ZPR1: variants seen among roughly 807,000 people sequenced by gnomAD.
The protein encoded by ZPR1 is ZPR1 zinc finger, also known as zinc finger protein ZPR1.
ZPR1 carries 37 observed loss-of-function variants against 59.6 expected under a neutral mutation model. The ratio of observed to expected loss-of-function variants is 0.62; its 90% CI spans 0.48 to 0.82. The LOEUF is 0.82. Among genes scored for constraint, ZPR1 ranks in the 40% least tolerant of loss-of-function variants. ZPR1 has a pLI of 0.00. For synonymous variants in ZPR1, 191 were observed against 215.2 expected (o/e 0.89, Z 0.99); for missense variants, 527 against 579.9 (o/e 0.91, Z 0.94).
chr11:116,785,586 A>G lies in ZPR1; in HGVS notation c.633T>C (p.Pro211=), dbSNP rs757652160. ...GNSFVENPHA[P]QKDDALVITH... is the part of the protein sequence containing the mutation. ...TGATCACCAGGGCATCATCTTTCTG[A>G]GGAGCATGTGGGTTTTCCACAAAAC... The change falls in exon 6 of 14, where the codon CCT becomes CCC. Residue 211 remains proline, a synonymous_variant. Transcript: ENST00000227322. The G allele has an allele frequency of 1.4e-5, 23 of 1,614,040 alleles. No individual in the cohort carries two copies. Among genetic ancestry groups the G allele is most frequent in the Non-Finnish European group, 1.9e-5 (23 of 1,180,042 alleles).
At position 116,773,983 on chromosome 11, in the gene ZPR1, G is replaced by T. The variant is rs1940687121; in HGVS notation, c.*4942C>A. The T allele has an allele frequency of 6.6e-6, 1 of 152,182 alleles. No individual in the cohort carries two copies. The highest frequency in any genetic ancestry group is 1.5e-5 in the Non-Finnish European group (1 of 68,034). The allele number at this position is 152,182 out of a possible 1,614,324, so 9.4% of individuals were successfully genotyped here. ...AGTCAGAACATGACTCTAGGGAGTA[G>T]AGGCTAGCGAAGTGGGGTGCAAGAG... is the stretch of plus-strand genomic sequence containing the variant. On this transcript the variant is annotated 3_prime_UTR_variant, in exon 14 of 14. Coordinates refer to ENST00000227322, the MANE Select transcript of ZPR1 (RefSeq NM_003904.5).
intron 8 of ZPR1, 55 bp from the exon 9 acceptor site, chr11:116,784,503 G>T: frequency 3.9e-6 from 6 of 1,550,058 alleles, no homozygotes; most frequent in Non-Finnish European, 5.3e-6. Flanking sequence ...CACCATCTGG[G>T]GAAAAACAAA....
intron 12 of ZPR1, 26 bp downstream of exon 12, chr11:116,782,132 G>A (rs367934346): frequency 5.0e-6 from 8 of 1,593,648 alleles, no homozygotes; most frequent in Non-Finnish European, 6.9e-6. Flanking sequence ...AGGATTCTAA[G>A]TACTGACTGG....
chr11:116,782,824 C>A, intron 11 of ZPR1, 95 bp downstream of exon 11: 1 of 964,328 alleles, frequency 1.0e-6, no homozygotes, highest in South Asian at 1.4e-5. Flanking sequence ...CCCACAGTTA[C>A]CAGCACCGAA....
chr11:116,783,723 T>A, intron 9 of ZPR1, 104 bp from the exon 10 acceptor site: 1 of 828,398 alleles, frequency 1.2e-6, no homozygotes, highest in Non-Finnish European at 2.0e-6. Context: ...TTAGGGCCAT[T>A]AATAGCTACC....
chr11:116,783,860 TAAAAAAA>T lies in ZPR1; in HGVS notation c.892-248_892-242del, dbSNP rs11355367. Among the ~76,000 whole-genome samples, 3 of 126,446 alleles carry T rather than the reference TAAAAAAA, an allele frequency of 2.4e-5. No individual in the cohort carries two copies. In the East Asian group the frequency reaches 6.6e-4, roughly 28 times the overall value. 83.0% of individuals were successfully genotyped at this position (126,446 alleles called of 152,430 possible). A position where few individuals can be genotyped will look rare whatever the true frequency, so the allele number is the denominator to read the frequency against. ...TTGCCAATAAACTCTGAATTTACCTTAAAAAAAAAAAAAAAAAAAAGACTTTTGGGGT... is the reference window on the plus strand; with the variant it reads ...TTGCCAATAAACTCTGAATTTACCTTAAAAAAAAAAAAAGACTTTTGGGGT... On this transcript the variant is annotated intron_variant, in intron 9 of 13. Coordinates refer to ENST00000227322, the MANE Select transcript of ZPR1 (RefSeq NM_003904.5).
In ZPR1 at chr11:116,785,826, C is replaced by T. The variant is rs1392236703; in HGVS notation, c.552G>A (p.Glu184=). 5 of 1,614,136 alleles carry T rather than the reference C, an allele frequency of 3.1e-6. No individual in the cohort carries two copies. The highest frequency in any genetic ancestry group is 3.4e-6 in the Non-Finnish European group (4 of 1,180,050). ...TGAAAGGGGAGGCTACTTGCTTTAG[C>T]TCCTTCAGTTTGACAATGAACTCAT... is the stretch of plus-strand genomic sequence containing the variant. The part of the protein sequence containing the change: ...RIDEFIVKLK[E]LKQVASPFTL... The change falls in exon 5 of 14, where the codon GAG becomes GAA. Residue 184 remains glutamate (E), a synonymous_variant. Coordinates refer to ENST00000227322, the MANE Select transcript of ZPR1 (RefSeq NM_003904.5).
intron 11 of ZPR1, 25 bp from the exon 12 acceptor site, chr11:116,782,269 A>C (rs753398012): frequency 1.9e-6 from 3 of 1,590,404 alleles, no homozygotes; most frequent in Non-Finnish European, 2.6e-6. Flanking sequence ...AATCCAAACT[A>C]TGTGAATACT....
intron 12 of ZPR1, 79 bp downstream of exon 12, chr11:116,782,079 G>T: frequency 9.9e-7 from 1 of 1,008,022 alleles, no homozygotes; most frequent in Non-Finnish European, 1.5e-6. Context: ...TGTTCAAAAA[G>T]TGGCAAGACA....
Position 116,787,553 on chromosome 11 carries a change from T to C in ZPR1, c.262A>G (p.Thr88Ala), listed in dbSNP as rs527995411. The change falls in exon 2 of 14, where the codon ACG becomes GCG. Residue 88 changes from threonine to alanine, a missense_variant. Transcript: ENST00000227322. ...FSCEHCGWNN[T>A]EIQSAGRIQD... Reference sequence around the variant, plus strand: ...ATCCTGCCTGCCGACTGGATCTCCGTGTTGTTCCAGCCACAGTGCTCGCAG... The same window carrying C: ...ATCCTGCCTGCCGACTGGATCTCCGCGTTGTTCCAGCCACAGTGCTCGCAG... 15 of 1,614,206 alleles carry C rather than the reference T, an allele frequency of 9.3e-6. No individual in the cohort carries two copies. The highest frequency in any genetic ancestry group is 1.2e-5 in the Non-Finnish European group (14 of 1,180,034).
At position 116,787,513 on chromosome 11, in the gene ZPR1, A is replaced by G. The variant is rs1565322871; in HGVS notation, c.302T>C (p.Val101Ala). The G allele has an allele frequency of 5.6e-6, 9 of 1,613,444 alleles. No homozygotes were observed. The highest frequency in any genetic ancestry group is 7.6e-6 in the Non-Finnish European group (9 of 1,179,890). Residue 101 changes from valine (V) to alanine (A), a missense_variant, in exon 2 of 14, where the codon GTG becomes GCG. Physicochemically the swap from Val to Ala is moderately conservative, Grantham distance 64 (BLOSUM62 0). Coordinates refer to ENST00000227322, the MANE Select transcript of ZPR1 (RefSeq NM_003904.5). ...QSAGRIQDQG[V>A]RYTLSVRALE... ...AGCCCTGACAGACAAAGTGTAGCGC[A>G]CTCCCTGGTCCTGGATCCTGCCTGC...
In ZPR1 at chr11:116,775,167, A is replaced by C. The variant is rs1469811559; in HGVS notation, c.*3758T>G. 2.0e-5 allele frequency: 3 copies of C among 152,268 alleles called. No homozygotes were observed. Among genetic ancestry groups the C allele is most frequent in the Non-Finnish European group, 2.9e-5 (2 of 68,126 alleles). 9.4% of individuals were successfully genotyped at this position (152,268 alleles called of 1,614,324 possible). A position where few individuals can be genotyped will look rare whatever the true frequency, so the allele number is the denominator to read the frequency against. ...ATGGGTTTGACACCTGCCTCTTAGA[A>C]GCTCTACTTCTGGCCAGGCACGGTG... On this transcript the variant is annotated 3_prime_UTR_variant, in exon 14 of 14. Transcript: ENST00000227322.
chr11:116,778,926 T>C lies in ZPR1; in HGVS notation c.1379A>G (p.Ter460TrpextTer53). The change falls in exon 14 of 14, where the codon TAG becomes TGG. Residue 460 changes from the stop codon to tryptophan, a stop_lost. Coordinates refer to ENST00000227322, the MANE Select transcript of ZPR1 (RefSeq NM_003904.5). ...GGCTGGCCCTTGAGCCACCCACTGCTACCGTTGCGGAGCCAGGCCTGCCTC... is the reference window on the plus strand; with the variant it reads ...GGCTGGCCCTTGAGCCACCCACTGCCACCGTTGCGGAGCCAGGCCTGCCTC... ...GYEAGLAPQR[*>W] 6.2e-7 allele frequency: 1 copy of C among 1,613,734 alleles called. No individual in the cohort carries two copies. Among genetic ancestry groups the C allele is most frequent in the Non-Finnish European group, 8.5e-7 (1 of 1,180,016 alleles).
At chr11:116,783,391 G>A in intron 10 of ZPR1, 139 bp downstream of exon 10, 1 of 711,972 alleles carries the variant, frequency 1.4e-6, no homozygotes. Flanking sequence ...AACTCCCTCT[G>A]CTCAGGGGTC....
chr11:116,785,650 GAA>G lies in ZPR1; in HGVS notation c.583-16_583-15del. ...ATCATCAATGATCTAACAAATGGGA[GAA>G]GAGAGAGTCACTGCAAAAGAAAATC... On this transcript the variant is annotated splice_polypyrimidine_tract_variant and intron_variant, in intron 5 of 13. Transcript: ENST00000227322. The G allele has an allele frequency of 6.2e-7, 1 of 1,613,918 alleles. No individual in the cohort carries two copies. Among genetic ancestry groups the G allele is most frequent in the African/African-American group, 1.3e-5 (1 of 75,030 alleles).
chr11:116,784,323 T>C, intron 9 of ZPR1, 55 bp downstream of exon 9: 1 of 1,582,258 alleles, frequency 6.3e-7, no homozygotes, highest in Non-Finnish European at 8.7e-7. Context: ...GAATGATAGT[T>C]AAAAGGGGGT....
rs1193811473 is a variant in ZPR1, at chr11:116,785,256, G to A, written c.706-110C>T. ...AGGTGCCACCTCATCAGTTATGTCA[G>A]GTGCCACCTCATCAGTTAGAGAAAC... On this transcript the variant is annotated intron_variant, in intron 6 of 13. Transcript: ENST00000227322. 13 of 1,269,946 alleles carry A rather than the reference G, an allele frequency of 1.0e-5. No homozygotes were observed. The East Asian group carries it at 2.5e-4, about 25-fold the overall frequency. 78.7% of individuals were successfully genotyped at this position (1,269,946 alleles called of 1,614,324 possible).
chr11:116,785,420 GAGC>G, intron 6 of ZPR1, 91 bp downstream of exon 6: 3 of 1,538,816 alleles, frequency 1.9e-6, no homozygotes, highest in Non-Finnish European at 2.6e-6. Flanking sequence ...AGGGCACACA[GAGC>G]AGCAGCAGCA....
chr11:116,783,593 G>C lies in ZPR1; in HGVS notation c.918C>G (p.Pro306=). 1 of 1,614,136 alleles carries C rather than the reference G, an allele frequency of 6.2e-7. No homozygotes were observed. Among genetic ancestry groups the C allele is most frequent in the Non-Finnish European group, 8.5e-7 (1 of 1,180,020 alleles). The change falls in exon 10 of 14, where the codon CCC becomes CCG. Residue 306 remains proline, a synonymous_variant. Transcript: ENST00000227322. ...TGTGGAGGGTGATCCTGGTGCCCAAGGGTTCTACTGCTCCTCCAGATTTCA... is the reference window on the plus strand; with the variant it reads ...TGTGGAGGGTGATCCTGGTGCCCAACGGTTCTACTGCTCCTCCAGATTTCA... The part of the protein sequence containing the change: ...NEVKSGGAVE[P]LGTRITLHIT...
Sources: allele counts gnomAD v4.1 joint callset (sites outside exome capture counted in the v4.1 genomes callset), GRCh38; gene constraint gnomAD v4.1.1; transcripts MANE v1.5; gene names NCBI Gene and HGNC (gene_info 2026-07-23, HGNC 2026-07-21).